CCDC30: variants seen among roughly 807,000 people sequenced by gnomAD.
CCDC30 encodes coiled-coil domain-containing protein 30.
Under a neutral mutation model 100.2 loss-of-function variants are expected in CCDC30, and 70 were observed. The ratio of observed to expected loss-of-function variants is 0.70; its 90% CI spans 0.58 to 0.85. The LOEUF (loss-of-function observed/expected upper bound fraction) is 0.85. CCDC30 is among the 40% of genes least tolerant of loss of function. CCDC30 has a pLI of 0.00. For synonymous variants in CCDC30, 233 were observed against 269.5 expected, an observed-to-expected ratio of 0.86 and a Z score of 1.33; for missense variants, 652 against 771.2, an observed-to-expected ratio of 0.85 and a Z score of 1.83.
intron 1 of CCDC30, chr1:42,464,320 A>G (rs1392900864): frequency 1.3e-5 from 2 of 152,264 alleles, no homozygotes; most frequent in Non-Finnish European, 2.9e-5. Flanking sequence ...ATAATGAAAG[A>G]AGGTTGTTCC....
intron 6 of CCDC30, among the ~76,000 whole-genome samples, chr1:42,558,712 G>C (rs1645423851): frequency 6.6e-6 from 1 of 152,134 alleles, no homozygotes; most frequent in Non-Finnish European, 1.5e-5. Flanking sequence ...AAATAAGCTG[G>C]AAAACACACT....
intron 1 of CCDC30, among the ~76,000 whole-genome samples, chr1:42,468,952 G>T (rs1198970844): frequency 6.6e-6 from 1 of 151,894 alleles, no homozygotes; most frequent in Non-Finnish European, 1.5e-5. Flanking sequence ...AACCCAGGAA[G>T]CATACTGAGA....
At chr1:42,502,708 C>G (rs1181700169) in intron 6 of CCDC30, among the ~76,000 whole-genome samples, 1 of 152,154 alleles carries the variant, frequency 6.6e-6, no homozygotes, top group Admixed American at 6.5e-5. Flanking sequence ...GCCCCCTCCC[C>G]CCAGCCTCTG....
chr1:42,482,891 G>T (rs1479950073), intron 3 of CCDC30, 75 bp downstream of exon 3: 157 of 681,044 alleles, frequency 2.3e-4, no homozygotes, highest in Middle Eastern at 3.0e-4. Context: ...TGGAACATGA[G>T]AAAAAAAAAA....
chr1:42,534,344 T>C (rs1225488887), intron 6 of CCDC30, among the ~76,000 whole-genome samples: 2 of 152,224 alleles, frequency 1.3e-5, no homozygotes, highest in African/African-American at 4.8e-5. Context: ...CAGCATGTCA[T>C]GTGTGAATCT....
At chr1:42,612,360 G>T (rs1646642497) in intron 11 of CCDC30, among the ~76,000 whole-genome samples, 1 of 152,098 alleles carries the variant, frequency 6.6e-6, no homozygotes, top group African/African-American at 2.4e-5. Context: ...ATGCATTAGA[G>T]CCCATGTGTG....
chr1:42,473,280 A>T, intron 1 of CCDC30: 1 of 1,231,438 alleles, frequency 8.1e-7, no homozygotes, highest in Non-Finnish European at 1.0e-6. Context: ...GCTTATAGTG[A>T]AGCACATGGG....
intron 4 of CCDC30, among the ~76,000 whole-genome samples, chr1:42,491,361 AACATTGCATGTTCTC>A (rs1644138010): frequency 6.6e-6 from 1 of 152,214 alleles, no homozygotes; most frequent in South Asian, 2.1e-4. Flanking sequence ...CAGAAAGACA[AACATTGCATGTTCTC>A]ACTTATTTGT....
At chr1:42,584,555 T>C (rs1646030857) in intron 9 of CCDC30, among the ~76,000 whole-genome samples, 1 of 152,098 alleles carries the variant, frequency 6.6e-6, no homozygotes, top group Non-Finnish European at 1.5e-5. Context: ...ATGGCGCCAC[T>C]GCACTCCAAC....
upstream of CCDC30, chr1:42,460,281 G>C: frequency 9.9e-7 from 1 of 1,012,126 alleles, no homozygotes; most frequent in Non-Finnish European, 1.2e-6. Flanking sequence ...TTGGTTGAAT[G>C]CCTATGTATG....
At position 42,467,167 on chromosome 1, in the gene CCDC30, T is replaced by C. The variant is rs558065961; in HGVS notation, c.-92+3269T>C. Among the ~76,000 whole-genome samples the C allele has an allele frequency of 2.6e-5, 4 of 152,190 alleles. No individual in the cohort carries two copies. In the East Asian group the frequency reaches 5.8e-4, roughly 22 times the overall value. On this transcript the variant is annotated intron_variant, in intron 1 of 16. Transcript: ENST00000668663. ...GCTAGAGAGACTGGGAGGAACCAGATTGTGAAGAATATCTGGTCCCAAGCT... is the reference window on the plus strand; with the variant it reads ...GCTAGAGAGACTGGGAGGAACCAGACTGTGAAGAATATCTGGTCCCAAGCT...
At chr1:42,513,328 A>C (rs1644507799) in intron 6 of CCDC30, among the ~76,000 whole-genome samples, 1 of 152,238 alleles carries the variant, frequency 6.6e-6, no homozygotes, top group Non-Finnish European at 1.5e-5. Context: ...TGTCTGATTT[A>C]TGTAGGGCCA....
chr1:42,488,529 T>C (rs1232676707), intron 3 of CCDC30, among the ~76,000 whole-genome samples: 1 of 152,100 alleles, frequency 6.6e-6, no homozygotes, highest in Non-Finnish European at 1.5e-5. Context: ...CAGGCTGATC[T>C]CAAACTCCTG....
chr1:42,520,019 A>G (rs1337078171), intron 6 of CCDC30, among the ~76,000 whole-genome samples: 1 of 152,078 alleles, frequency 6.6e-6, no homozygotes, highest in African/African-American at 2.4e-5. Context: ...AGTAAATATA[A>G]TTAAAGATTT....
chr1:42,632,010 C>G (rs1269915702), intron 11 of CCDC30, among the ~76,000 whole-genome samples: 1 of 152,120 alleles, frequency 6.6e-6, no homozygotes, highest in East Asian at 1.9e-4. Context: ...AAGACTAAGT[C>G]CCTTTTATTT....
At chr1:42,488,123 T>C (rs1247116844) in intron 3 of CCDC30, among the ~76,000 whole-genome samples, 1 of 152,134 alleles carries the variant, frequency 6.6e-6, no homozygotes, top group African/African-American at 2.4e-5. Context: ...CTTTTGTATA[T>C]ATTTGAAATC....
chr1:42,494,530 C>T (rs1262137798), intron 4 of CCDC30, among the ~76,000 whole-genome samples: 2 of 152,178 alleles, frequency 1.3e-5, no homozygotes, highest in African/African-American at 4.8e-5. Context: ...TAAAGAGCTT[C>T]TGCACAGCAG....
chr1:42,629,871 C>T (rs1247432746), intron 11 of CCDC30, among the ~76,000 whole-genome samples: 2 of 152,176 alleles, frequency 1.3e-5, no homozygotes, highest in South Asian at 2.1e-4. Context: ...GCCTCAGCCT[C>T]CCAAAGTGCT....
chr1:42,564,613 A>G (rs1348122500), intron 6 of CCDC30, among the ~76,000 whole-genome samples: 1 of 152,210 alleles, frequency 6.6e-6, no homozygotes, highest in Non-Finnish European at 1.5e-5. Flanking sequence ...GTACAACCTG[A>G]TGTTTTGATT....
Sources: allele counts gnomAD v4.1 joint callset (sites outside exome capture counted in the v4.1 genomes callset), GRCh38; gene constraint gnomAD v4.1.1; transcripts MANE v1.5; gene names NCBI Gene and HGNC (gene_info 2026-07-23, HGNC 2026-07-21).